SEMA6B: variants seen among roughly 807,000 people sequenced by gnomAD.
The protein encoded by SEMA6B is semaphorin-6B.
In SEMA6B, 47 loss-of-function variants were observed where a neutral mutation model predicts 78.6. The ratio of observed to expected loss-of-function variants is 0.60; its 90% CI spans 0.47 to 0.76. The LOEUF is 0.76. Ranked by LOEUF, SEMA6B falls within the 30% of genes least tolerant of loss-of-function variation. The pLI is 0.00. For missense variants in SEMA6B, 1,213 were observed against 1,269.9 expected (o/e 0.96, Z 0.68); for synonymous variants, 632 against 592.2 (o/e 1.07, Z -0.98).
intron 5 of SEMA6B, 84 bp from the exon 6 acceptor site, chr19:4,556,173 G>T: frequency 2.1e-6 from 2 of 941,642 alleles, no homozygotes; most frequent in East Asian, 2.5e-5. Flanking sequence ...AGTTGTGTGG[G>T]TGGAGGGCCG....
At chr19:4,545,288 C>T (rs1360850443) in intron 16 of SEMA6B, among the ~76,000 whole-genome samples, 3 of 148,538 alleles carry the variant, frequency 2.0e-5, no homozygotes, top group African/African-American at 7.4e-5. Flanking sequence ...TTGCAGTGAG[C>T]TGAGATCACA....
At chr19:4,546,138 G>A in intron 16 of SEMA6B, 78 bp downstream of exon 16, 1 of 1,402,990 alleles carries the variant, frequency 7.1e-7, no homozygotes, top group Non-Finnish European at 9.6e-7. Flanking sequence ...GAGGATTCGA[G>A]GGTCCTCCAG....
chr19:4,548,870 C>G (rs953532869), intron 12 of SEMA6B, among the ~76,000 whole-genome samples: 12 of 152,316 alleles, frequency 7.9e-5, no homozygotes, highest in South Asian at 2.1e-4. Flanking sequence ...GAGTCTCACT[C>G]TGTTGCCCAG....
chr19:4,546,204 C>T lies in SEMA6B; in HGVS notation c.1738+12G>A, dbSNP rs746822563. 29 of 1,599,500 alleles carry T rather than the reference C, an allele frequency of 1.8e-5. No homozygotes were observed. The highest frequency in any genetic ancestry group is 2.4e-5 in the Non-Finnish European group (28 of 1,172,274). On this transcript the variant is annotated intron_variant, in intron 16 of 16. Coordinates refer to ENST00000586582, the MANE Select transcript of SEMA6B (RefSeq NM_032108.4). Reference sequence around the variant, plus strand: ...GGGATGGGGGTCTTAGCCTGCCGTCCCCCCAACTCACCTGTGCAGTCCCCT... The same window carrying T: ...GGGATGGGGGTCTTAGCCTGCCGTCTCCCCAACTCACCTGTGCAGTCCCCT...
chr19:4,543,347 G>A lies in SEMA6B; in HGVS notation c.*254C>T. 1 of 445,896 alleles carries A rather than the reference G, an allele frequency of 2.2e-6. No individual in the cohort carries two copies. Among genetic ancestry groups the A allele is most frequent in the Non-Finnish European group, 3.9e-6 (1 of 253,506 alleles). 27.6% of individuals were successfully genotyped at this position (445,896 alleles called of 1,614,324 possible). A position where few individuals can be genotyped will look rare whatever the true frequency, so the allele number is the denominator to read the frequency against. On this transcript the variant is annotated 3_prime_UTR_variant, in exon 17 of 17. Coordinates refer to ENST00000586582, the MANE Select transcript of SEMA6B (RefSeq NM_032108.4). ...AAAAACCAAAACCTACGCGCATAAGGTCAACCTCAAATCCATAGCAAAGTC... is the reference window on the plus strand; with the variant it reads ...AAAAACCAAAACCTACGCGCATAAGATCAACCTCAAATCCATAGCAAAGTC...
Position 4,544,229 on chromosome 19 carries a change from A to C in SEMA6B, c.2039T>G (p.Leu680Arg). 1 of 1,274,002 alleles carries C rather than the reference A, an allele frequency of 7.8e-7. No homozygotes were observed. Among genetic ancestry groups the C allele is most frequent in the Non-Finnish European group, 9.9e-7 (1 of 1,012,914 alleles). 78.9% of individuals were successfully genotyped at this position (1,274,002 alleles called of 1,614,324 possible). Residue 680 changes from leucine (L) to arginine (R), a missense_variant, in exon 17 of 17, where the codon CTG (leucine) becomes CGG (arginine). Transcript: ENST00000586582. The surrounding 1 kb of genome is among the most constrained non-coding windows in gnomAD (Gnocchi z 5.1). ...GCCGTTCTGCATCAGGGGCGCCAGC[A>C]GGGCCTCCGGGGGAACCCCGGCGCC... ...GGGAGVPPEA[L>R]LAPLMQNGWA...
Position 4,554,371 on chromosome 19 carries a change from C to A in SEMA6B, c.771+17G>T. The A allele has an allele frequency of 6.3e-7, 1 of 1,599,414 alleles. No individual in the cohort carries two copies. The highest frequency in any genetic ancestry group is 8.6e-7 in the Non-Finnish European group (1 of 1,166,716). On this transcript the variant is annotated intron_variant, in intron 9 of 16. Coordinates refer to ENST00000586582, the MANE Select transcript of SEMA6B (RefSeq NM_032108.4). ...ATCAGAGCCTCTCAACTTCATGCCC[C>A]ACTGCACCGGCCTCACCTTCTCCAG...
In SEMA6B at chr19:4,558,225, T is replaced by C; in HGVS notation, c.122-76A>G. 2 of 1,341,748 alleles carry C rather than the reference T, an allele frequency of 1.5e-6. No individual in the cohort carries two copies. Among genetic ancestry groups the C allele is most frequent in the South Asian group, 2.0e-5 (1 of 48,898 alleles). 83.1% of individuals were successfully genotyped at this position (1,341,748 alleles called of 1,614,324 possible). A position where few individuals can be genotyped will look rare whatever the true frequency, so the allele number is the denominator to read the frequency against. ...GGGTGGCCTGAGGTCATGCCCCTTC[T>C]AGGGGTGGCTCCTGGACTGCTTGAG... On this transcript the variant is annotated intron_variant, in intron 2 of 16. Coordinates refer to ENST00000586582, the MANE Select transcript of SEMA6B (RefSeq NM_032108.4). The surrounding 1 kb of genome is among the most constrained non-coding windows in gnomAD (Gnocchi z 5.1).
chr19:4,554,316 G>T, intron 9 of SEMA6B, 72 bp downstream of exon 9: 1 of 1,227,730 alleles, frequency 8.1e-7, no homozygotes, highest in Non-Finnish European at 1.2e-6. Flanking sequence ...AGGGATTCAT[G>T]GATCCACCTC....
intron 12 of SEMA6B, among the ~76,000 whole-genome samples, chr19:4,548,957 T>C (rs1977245489): frequency 6.6e-6 from 1 of 152,192 alleles, no homozygotes; most frequent in South Asian, 2.1e-4. Flanking sequence ...TAGCTGGGAC[T>C]ACAGGCGCAC....
In SEMA6B at chr19:4,543,143, C is replaced by T. The variant is rs746902444; in HGVS notation, c.*458G>A. ...AACACGGCACGCACACGCACGCACA[C>T]CCACACACGCCAGGGGCCTGGGTTG... is the stretch of plus-strand genomic sequence containing the variant. On this transcript the variant is annotated 3_prime_UTR_variant, in exon 17 of 17. Transcript: ENST00000586582. 2.8e-5 allele frequency: 17 copies of T among 612,694 alleles called. 1 individual carries two copies. In the South Asian group the frequency reaches 3.2e-4, roughly 11 times the overall value. 38.0% of individuals were successfully genotyped at this position (612,694 alleles called of 1,614,324 possible). A position where few individuals can be genotyped will look rare whatever the true frequency, so the allele number is the denominator to read the frequency against.
intron 3 of SEMA6B, 34 bp downstream of exon 3, chr19:4,557,992 G>C: frequency 7.5e-6 from 10 of 1,328,098 alleles, no homozygotes; most frequent in South Asian, 2.0e-5. Flanking sequence ...CATTCTGCTC[G>C]TCACACAGGC....
chr19:4,549,072 C>T (rs553376300), intron 12 of SEMA6B, among the ~76,000 whole-genome samples: 56 of 152,214 alleles, frequency 3.7e-4, no homozygotes, highest in African/African-American at 1.3e-3. Context: ...GTGATCCTCC[C>T]GTCTTAGCCT....
At chr19:4,551,066 C>T (rs1199977203) in intron 10 of SEMA6B, 136 bp from the exon 11 acceptor site, 28 of 968,498 alleles carry the variant, frequency 2.9e-5, no homozygotes, top group Non-Finnish European at 4.0e-5. Flanking sequence ...CTGTCCCTCC[C>T]GCATCTGTCG....
At position 4,543,763 on chromosome 19, in the gene SEMA6B, G is replaced by A; in HGVS notation, c.2505C>T (p.Pro835=). Residue 835 remains proline, a synonymous_variant, in exon 17 of 17, where the codon CCC becomes CCT. Transcript: ENST00000586582. ...GCAGGGTGGCGGCCGGAGGGGCGTG[G>A]GGGCCCAGTGGCCTCCTCAGGCTGC... ...PTGSLRRPLG[P]HAPPAATLRR... The A allele has an allele frequency of 1.2e-5, 15 of 1,225,090 alleles. No homozygotes were observed. The highest frequency in any genetic ancestry group is 1.4e-5 in the Non-Finnish European group (14 of 983,712). 75.9% of individuals were successfully genotyped at this position (1,225,090 alleles called of 1,614,324 possible). A position where few individuals can be genotyped will look rare whatever the true frequency, so the allele number is the denominator to read the frequency against.
Position 4,544,548 on chromosome 19 carries a change from G to A in SEMA6B, c.1739-19C>T. 3.4e-6 allele frequency: 5 copies of A among 1,453,206 alleles called. No homozygotes were observed. The highest frequency in any genetic ancestry group is 4.6e-6 in the Non-Finnish European group (5 of 1,094,714). The allele number at this position is 1,453,206 out of a possible 1,614,324, so 90.0% of individuals were successfully genotyped here. ...AGGAGTCCTGGCCGGGGAGCACAGG[G>A]GGGTTAGTGGGGCCGGCGGGGTGGC... On this transcript the variant is annotated intron_variant, in intron 16 of 16. Coordinates refer to ENST00000586582, the MANE Select transcript of SEMA6B (RefSeq NM_032108.4). The surrounding 1 kb of genome is among the most constrained non-coding windows in gnomAD (Gnocchi z 5.1).
chr19:4,544,560 G>GCCACC lies in SEMA6B; in HGVS notation c.1739-32_1739-31insGGTGG. On this transcript the variant is annotated intron_variant, in intron 16 of 16. Transcript: ENST00000586582. The surrounding 1 kb of genome is among the most constrained non-coding windows in gnomAD (Gnocchi z 5.1). ...CGGGGAGCACAGGGGGGTTAGTGGG[G>GCCACC]CCGGCGGGGTGGCCCTGGGCATCCC... 1 of 1,403,666 alleles carries GCCACC rather than the reference G, an allele frequency of 7.1e-7. No individual in the cohort carries two copies. Among genetic ancestry groups the GCCACC allele is most frequent in the Non-Finnish European group, 9.4e-7 (1 of 1,067,330 alleles). The allele number at this position is 1,403,666 out of a possible 1,614,324, so 87.0% of individuals were successfully genotyped here. A position where few individuals can be genotyped will look rare whatever the true frequency, so the allele number is the denominator to read the frequency against.
At chr19:4,546,358 C>T (rs1193200895) in intron 15 of SEMA6B, 34 bp downstream of exon 15, 1 of 1,587,512 alleles carries the variant, frequency 6.3e-7, no homozygotes, top group East Asian at 2.3e-5. Flanking sequence ...GCGGGTCTGA[C>T]ACACCCTCCA....
chr19:4,547,470 C>T (rs549835259), intron 14 of SEMA6B, among the ~76,000 whole-genome samples: 42 of 152,352 alleles, frequency 2.8e-4, no homozygotes, highest in Non-Finnish European at 4.3e-4. Context: ...GTTGCAATAA[C>T]GGCGGGCAGG....
Sources: allele counts gnomAD v4.1 joint callset (sites outside exome capture counted in the v4.1 genomes callset), GRCh38; gene constraint gnomAD v4.1.1; non-coding constraint Gnocchi (gnomAD v3.1); transcripts MANE v1.5; gene names NCBI Gene and HGNC (gene_info 2026-07-23, HGNC 2026-07-21).